Variants in CEP44 observed in about 807,000 individuals in gnomAD.
CEP44 encodes centrosomal protein of 44 kDa.
Under a neutral mutation model 46.7 loss-of-function variants are expected in CEP44, and 45 were observed. That is an observed-to-expected ratio of 0.96 (90% CI 0.76 to 1.24). The LOEUF (loss-of-function observed/expected upper bound fraction) is 1.24, where lower values mean the gene tolerates loss of function less well. Among genes scored for constraint, CEP44 ranks in the 50% most tolerant of loss-of-function variants. The pLI, the probability that CEP44 is intolerant of heterozygous loss-of-function variation, is 0.00. For missense variants in CEP44, 475 were observed against 459.7 expected, an observed-to-expected ratio of 1.03 and a Z score of -0.30; for synonymous variants, 142 against 146.0, an observed-to-expected ratio of 0.97 and a Z score of 0.20.
intron 1 of CEP44, among the ~76,000 whole-genome samples, chr4:174,295,656 T>TAGCG (rs1738910603): frequency 1.3e-5 from 2 of 152,066 alleles, no homozygotes; most frequent in African/African-American, 2.4e-5. Context: ...GTGGAGGTTG[T>TAGCG]AGCGAGCCGA....
rs533102593 is a variant in CEP44, at chr4:174,319,292, T to C, written c.*1909T>C. ...TAAAAATTAAGAGGTTAAGAGGTTA[T>C]AGTTATAAGGGAAAAAACTTCTGTA... On this transcript the variant is annotated 3_prime_UTR_variant, in exon 12 of 12. Transcript: ENST00000503780. The C allele has an allele frequency of 3.3e-4, 323 of 974,898 alleles. 1 individual carries two copies. In the Middle Eastern group the frequency reaches 5.8e-3, roughly 18 times the overall value. The allele number at this position is 974,898 out of a possible 1,614,324, so 60.4% of individuals were successfully genotyped here.
intron 1 of CEP44, among the ~76,000 whole-genome samples, chr4:174,294,410 C>G (rs545146653): frequency 2.0e-4 from 30 of 152,034 alleles, no homozygotes; most frequent in Admixed American, 9.2e-4. Flanking sequence ...TTTCTTAGTA[C>G]AGAACAAAAT....
At chr4:174,299,008 A>G in intron 2 of CEP44, 64 bp from the exon 3 acceptor site, 1 of 909,822 alleles carries the variant, frequency 1.1e-6, no homozygotes, top group Non-Finnish European at 1.7e-6. Flanking sequence ...TATGACCAAA[A>G]TAGAATCAAG....
chr4:174,286,752 A>T lies in CEP44; in HGVS notation c.-148+2809A>T, dbSNP rs981683839. 6.6e-6 allele frequency among the ~76,000 whole-genome samples: 1 copy of T among 152,186 alleles called. No homozygotes were observed. The highest frequency in any genetic ancestry group is 1.5e-5 in the Non-Finnish European group (1 of 68,036). On this transcript the variant is annotated intron_variant, in intron 1 of 11. Coordinates refer to ENST00000503780, the MANE Select transcript of CEP44 (RefSeq NM_001040157.3). The surrounding 1 kb of genome is among the most constrained non-coding windows in gnomAD (Gnocchi z 5.2). ...GTCATTTAGAAATAAATTCCATGCTATTACTTTTGGGGCAGTTTTTAAAAA... is the reference window on the plus strand; with the variant it reads ...GTCATTTAGAAATAAATTCCATGCTTTTACTTTTGGGGCAGTTTTTAAAAA...
At position 174,288,432 on chromosome 4, in the gene CEP44, T is replaced by G. The variant is rs1161467581; in HGVS notation, c.-148+4489T>G. ...CCCTTTGAACAACAGCTTCCCATTT[T>G]GTTCTCCCCATGTTCCCTTACAACC... On this transcript the variant is annotated intron_variant, in intron 1 of 11. Transcript: ENST00000503780. This position sits in a 1 kb window ranked among gnomAD's most constrained non-coding sequence, Gnocchi z 4.6. Among the ~76,000 whole-genome samples the G allele has an allele frequency of 2.0e-5, 3 of 152,168 alleles. No individual in the cohort carries two copies. The highest frequency in any genetic ancestry group is 7.2e-5 in the African/African-American group (3 of 41,450).
rs1741759920 is a variant in CEP44, at chr4:174,316,668, GTC to G, written c.1124+106_1124+107del. On this transcript the variant is annotated intron_variant, in intron 11 of 11. Coordinates refer to ENST00000503780, the MANE Select transcript of CEP44 (RefSeq NM_001040157.3). ...TGCATGTGTGTTTCAAACCTTAAAGGTCTCTCAATCAGGTGTGGAATTTCCTT... is the reference window on the plus strand; with the variant it reads ...TGCATGTGTGTTTCAAACCTTAAAGGTCTCAATCAGGTGTGGAATTTCCTT... 5 of 1,086,110 alleles carry G rather than the reference GTC, an allele frequency of 4.6e-6. No individual in the cohort carries two copies. In the South Asian group the frequency reaches 4.9e-5, roughly 11 times the overall value. The allele number at this position is 1,086,110 out of a possible 1,614,324, so 67.3% of individuals were successfully genotyped here.
chr4:174,302,271 T>G, intron 4 of CEP44, 85 bp downstream of exon 4: 3 of 806,554 alleles, frequency 3.7e-6, no homozygotes, highest in Non-Finnish European at 4.0e-6. Flanking sequence ...CTTAAATATA[T>G]GCAGCATATA....
Position 174,295,467 on chromosome 4 carries a change from G to A in CEP44, c.-147-2499G>A, listed in dbSNP as rs1225626673. ...GAGGCGCTCCTCACTTCCTAGATGGGATGGCGGCCGGGCAGAGACGCTCCT... is the reference window on the plus strand; with the variant it reads ...GAGGCGCTCCTCACTTCCTAGATGGAATGGCGGCCGGGCAGAGACGCTCCT... On this transcript the variant is annotated intron_variant, in intron 1 of 11. Transcript: ENST00000503780. Among the ~76,000 whole-genome samples, 4 of 151,558 alleles carry A rather than the reference G, an allele frequency of 2.6e-5. No homozygotes were observed. The East Asian group carries it at 7.8e-4, about 30-fold the overall frequency.
At position 174,331,704 on chromosome 4, in the gene CEP44, G is replaced by T. The variant is rs561080583; in HGVS notation, c.*109G>T. On this transcript the variant is annotated 3_prime_UTR_variant, in exon 9 of 9. Transcript: ENST00000426172. This position sits in a 1 kb window ranked among gnomAD's most constrained non-coding sequence, Gnocchi z 4.5. ...TGCCTGGAAACCAGCTTCCTCCTCA[G>T]CTCCAGCTCTTTTAATGGGCATATC... is the stretch of plus-strand genomic sequence containing the variant. 1 of 1,397,636 alleles carries T rather than the reference G, an allele frequency of 7.2e-7. No individual in the cohort carries two copies. Among genetic ancestry groups the T allele is most frequent in the South Asian group, 1.6e-5 (1 of 63,964 alleles). The allele number at this position is 1,397,636 out of a possible 1,614,324, so 86.6% of individuals were successfully genotyped here. A position where few individuals can be genotyped will look rare whatever the true frequency, so the allele number is the denominator to read the frequency against.
rs1579187646 is a variant in CEP44 at position 174,331,757 on chromosome 4, A to G, written c.*162A>G. On this transcript the variant is annotated 3_prime_UTR_variant, in exon 9 of 9. Coordinates refer to the CEP44 transcript ENST00000426172. This position sits in a 1 kb window ranked among gnomAD's most constrained non-coding sequence, Gnocchi z 4.5. The stretch of plus-strand genomic sequence containing the variant: ...AACTGATGACTTTTTCCTTCCTGCT[A>G]CATGGGTAACACTTAGTTGTTTGTC... 5 of 849,806 alleles carry G rather than the reference A, an allele frequency of 5.9e-6. No homozygotes were observed. Among genetic ancestry groups the G allele is most frequent in the Non-Finnish European group, 8.5e-6 (5 of 591,366 alleles). The allele number at this position is 849,806 out of a possible 1,614,324, so 52.6% of individuals were successfully genotyped here.
downstream of CEP44, among the ~76,000 whole-genome samples, chr4:174,321,683 T>C (rs116780114): frequency 7.0e-4 from 107 of 152,278 alleles, no homozygotes; most frequent in African/African-American, 2.3e-3. Context: ...TCTGAAGATA[T>C]GGAAAGCAAT....
intron 1 of CEP44, among the ~76,000 whole-genome samples, chr4:174,295,487 G>A (rs996210473): frequency 2.7e-5 from 4 of 148,932 alleles, no homozygotes; most frequent in African/African-American, 7.5e-5. Context: ...GGGCAGAGAC[G>A]CTCCTCACTT....
At position 174,299,114 on chromosome 4, in the gene CEP44, G is replaced by C; in HGVS notation, c.-8G>C. The C allele has an allele frequency of 6.2e-7, 1 of 1,607,800 alleles. No individual in the cohort carries two copies. The highest frequency in any genetic ancestry group is 1.3e-5 in the African/African-American group (1 of 74,690). ...TTCAAGAATTGGAGCTGAATCTGAT[G>C]TTAAGTAATGGCAACAGGTGACTTA... is the stretch of plus-strand genomic sequence containing the variant. On this transcript the variant is annotated 5_prime_UTR_variant, in exon 3 of 12. The change abolishes an upstream ATG in the 5' untranslated region. Transcript: ENST00000503780.
At chr4:174,313,848 TC>T (rs1291199478) in intron 9 of CEP44, among the ~76,000 whole-genome samples, 1 of 152,176 alleles carries the variant, frequency 6.6e-6, no homozygotes, top group Non-Finnish European at 1.5e-5. Context: ...TGATTGTTAC[TC>T]TTTAATAAAA....
rs1739210774 is a variant in CEP44 at position 174,297,670 on chromosome 4, G to GTGTC, written c.-147-293_-147-292insCTGT. Among the ~76,000 whole-genome samples the GTGTC allele has an allele frequency of 6.6e-6, 1 of 151,986 alleles. No individual in the cohort carries two copies. Among genetic ancestry groups the GTGTC allele is most frequent in the Non-Finnish European group, 1.5e-5 (1 of 67,998 alleles). On this transcript the variant is annotated intron_variant, in intron 1 of 11. Transcript: ENST00000503780. This position sits in a 1 kb window ranked among gnomAD's most constrained non-coding sequence, Gnocchi z 4.3. ...TTTATTAGTGTGTGTGTGTGTGTGT[G>GTGTC]TGTGTGTGTGTGTGTTTTCATTAAT...
intron 6 of CEP44, 126 bp downstream of exon 6, chr4:174,304,495 T>A (rs1450924501): frequency 6.3e-6 from 8 of 1,276,490 alleles, no homozygotes; most frequent in Non-Finnish European, 7.5e-6. Context: ...CATTGATTTT[T>A]AACAGTGCAT....
rs145515230 is a variant in CEP44 at position 174,309,322 on chromosome 4, C to G, written c.678+463C>G. On this transcript the variant is annotated intron_variant, in intron 7 of 11. Coordinates refer to ENST00000503780, the MANE Select transcript of CEP44 (RefSeq NM_001040157.3). This position sits in a 1 kb window ranked among gnomAD's most constrained non-coding sequence, Gnocchi z 5.3. ...CCACAGACCCCAATATGTCTGATCT[C>G]TACTGTTTCTGCTAAGACTTCTTTT... Among the ~76,000 whole-genome samples, 3 of 152,148 alleles carry G rather than the reference C, an allele frequency of 2.0e-5. No homozygotes were observed. In the East Asian group the frequency reaches 5.8e-4, roughly 29 times the overall value.
At chr4:174,315,196 GCT>G (rs1254460320) in intron 9 of CEP44, among the ~76,000 whole-genome samples, 2 of 151,430 alleles carry the variant, frequency 1.3e-5, no homozygotes, top group African/African-American at 4.9e-5. Context: ...TTACAATAAA[GCT>G]CTCTTTATGT....
chr4:174,302,230 T>C (rs757713957), intron 4 of CEP44, 44 bp downstream of exon 4: 3 of 1,267,804 alleles, frequency 2.4e-6, no homozygotes, highest in Non-Finnish European at 3.3e-6. Context: ...TATTGAATGA[T>C]TTTTAAAAAT....
Sources: gnomAD v4.1 joint callset for allele counts (sites outside exome capture counted in the v4.1 genomes callset) on GRCh38, gnomAD v4.1.1 for gene constraint, Gnocchi (gnomAD v3.1) non-coding constraint, MANE v1.5 for transcripts, NCBI Gene and HGNC (gene_info 2026-07-23, HGNC 2026-07-21) for gene names.